The following MTM1 variants were observed in gnomAD, a reference collection of about 807,000 sequenced individuals.
MTM1 encodes the protein myotubularin 1.
Under a neutral mutation model 52.1 loss-of-function variants are expected in MTM1, and 9 were observed. The observed-to-expected ratio is 0.17, with a 90% CI of 0.10 to 0.30. The LOEUF (loss-of-function observed/expected upper bound fraction) is 0.30, where lower values mean the gene tolerates loss of function less well. MTM1 is among the 10% of genes least tolerant of loss of function. MTM1 has a pLI of 1.00. For synonymous variants in MTM1, 136 were observed against 163.8 expected (o/e 0.83, Z 1.29); for missense variants, 277 against 470.7 (o/e 0.59, Z 3.81).
chrX:150,650,764 T>C (rs2040006315), intron 10 of MTM1, among the ~76,000 whole-genome samples: 1 of 111,744 alleles, frequency 8.9e-6, no homozygotes, highest in African/African-American at 3.3e-5. Context: ...CCCTCTCGTA[T>C]CTATTCTATA....
chrX:150,633,102 T>C (rs1349021083), intron 6 of MTM1, among the ~76,000 whole-genome samples: 1 of 112,060 alleles, frequency 8.9e-6, no homozygotes, highest in Non-Finnish European at 1.9e-5. Context: ...ATGATTATGA[T>C]AGTGGACAAG....
At chrX:150,664,141 ACT>A (rs1283689630) in intron 14 of MTM1, among the ~76,000 whole-genome samples, 1 of 112,157 alleles carries the variant, frequency 8.9e-6, no homozygotes, top group African/African-American at 3.2e-5. Flanking sequence ...GAAGTGAAAG[ACT>A]CTACATTTTG....
At chrX:150,605,980 A>G (rs2039149743) in intron 4 of MTM1, among the ~76,000 whole-genome samples, 1 of 109,813 alleles carries the variant, frequency 9.1e-6, no homozygotes, top group Admixed American at 9.7e-5. Context: ...ACAGCCAAAA[A>G]GGATTCCTGT....
At chrX:150,569,533 T>A (rs782754743) in intron 1 of MTM1, among the ~76,000 whole-genome samples, 11 of 112,008 alleles carry the variant, frequency 9.8e-5, no homozygotes, top group African/African-American at 3.6e-4. Flanking sequence ...TCCTGAAGTT[T>A]ACATTGTTCA....
chrX:150,614,121 C>G (rs2039339996), intron 4 of MTM1, among the ~76,000 whole-genome samples: 1 of 112,225 alleles, frequency 8.9e-6, no homozygotes, highest in East Asian at 2.8e-4. Flanking sequence ...AGAGGTGATG[C>G]TTGCTGAGCC....
At chrX:150,633,316 TA>T (rs781913066) in intron 6 of MTM1, among the ~76,000 whole-genome samples, 8 of 112,139 alleles carry the variant, frequency 7.1e-5, no homozygotes, top group African/African-American at 2.6e-4. Context: ...AACAGAAGTA[TA>T]ATTGGTAATC....
At position 150,619,640 on chromosome X, in the gene MTM1, C is replaced by T. The variant is rs782463461; in HGVS notation, c.444+501C>T. 3.6e-5 allele frequency among the ~76,000 whole-genome samples: 4 copies of T among 111,715 alleles called. No homozygotes were observed. In the East Asian group the frequency reaches 8.4e-4, roughly 24 times the overall value. ...CTCTTCACCAAACTACTGGAGTAAC[C>T]TTACTCTTACTGCATGACTGAAATA... On this transcript the variant is annotated intron_variant, in intron 6 of 14. Coordinates refer to ENST00000370396, the MANE Select transcript of MTM1 (RefSeq NM_000252.3).
At chrX:150,639,143 ATGGTGG>A (rs1466371886) in intron 7 of MTM1, 117 bp downstream of exon 7, 5 of 616,962 alleles carry the variant, frequency 8.1e-6, no homozygotes, top group Non-Finnish European at 1.4e-5. Context: ...TATCTTTTCA[ATGGTGG>A]TGATATTATC....
chrX:150,655,312 G>A (rs1243308871), intron 10 of MTM1, among the ~76,000 whole-genome samples: 6 of 100,839 alleles, frequency 6.0e-5, no homozygotes, highest in East Asian at 3.1e-4. Flanking sequence ...GCGAAAGAGC[G>A]AGACTCTGTC....
upstream of MTM1, among the ~76,000 whole-genome samples, chrX:150,565,993 TACACACACACAC>T (rs782745793): frequency 4.6e-4 from 41 of 88,441 alleles, no homozygotes; most frequent in African/African-American, 1.3e-3. Context: ...TGAAGATTCC[TACACACACACAC>T]ACACACACAC....
chrX:150,636,463 G>C (rs1485112135), intron 6 of MTM1, among the ~76,000 whole-genome samples: 7 of 112,027 alleles, frequency 6.2e-5, no homozygotes, highest in African/African-American at 2.3e-4. Flanking sequence ...GGTTGAAAAT[G>C]CTGCTTGAAA....
At chrX:150,598,724 G>A in intron 4 of MTM1, 38 bp downstream of exon 4, 1 of 906,431 alleles carries the variant, frequency 1.1e-6, no homozygotes, top group Non-Finnish European at 1.6e-6. Context: ...GACCCTAACT[G>A]TTAAAGATAA....
chrX:150,630,157 A>G (rs1557413522), intron 6 of MTM1, among the ~76,000 whole-genome samples: 2 of 111,992 alleles, frequency 1.8e-5, no homozygotes, highest in Non-Finnish European at 3.8e-5. Flanking sequence ...CAGTGGCACA[A>G]TCTCAGCTCA....
chrX:150,635,489 C>G lies in MTM1; in HGVS notation c.445-3454C>G, dbSNP rs188097066. Among the ~76,000 whole-genome samples, 23 of 112,227 alleles carry G rather than the reference C, an allele frequency of 2.0e-4. No homozygotes were observed. In the East Asian group the frequency reaches 5.3e-3, roughly 26 times the overall value. Reference sequence around the variant, plus strand: ...GAAAGTAAATGACAGCTAAAAACCTCAAGACGTATAACCTATTCACTTCAG... The same window carrying G: ...GAAAGTAAATGACAGCTAAAAACCTGAAGACGTATAACCTATTCACTTCAG... On this transcript the variant is annotated intron_variant, in intron 6 of 14. Transcript: ENST00000370396.
intron 2 of MTM1, among the ~76,000 whole-genome samples, 169 bp downstream of exon 2, chrX:150,592,846 C>CTT (rs1184716210): frequency 1.0e-4 from 10 of 99,635 alleles, no homozygotes; most frequent in South Asian, 8.8e-4. Flanking sequence ...TCTAGAAAAG[C>CTT]TTTTTTTTTT....
chrX:150,587,173 A>G (rs1393379958), intron 1 of MTM1, among the ~76,000 whole-genome samples: 1 of 110,939 alleles, frequency 9.0e-6, no homozygotes, highest in African/African-American at 3.3e-5. Context: ...AGGTGGGCGC[A>G]TAGTGGCATT....
At chrX:150,622,613 G>T (rs1323553140) in intron 6 of MTM1, among the ~76,000 whole-genome samples, 1 of 111,813 alleles carries the variant, frequency 8.9e-6, no homozygotes, top group Non-Finnish European at 1.9e-5. Context: ...ATCCACGGGG[G>T]ACTCACAGGA....
chrX:150,669,147 G>A (rs2040355082), intron 14 of MTM1, among the ~76,000 whole-genome samples: 1 of 111,361 alleles, frequency 9.0e-6, no homozygotes, highest in Admixed American at 9.5e-5. Flanking sequence ...TTCTGTTGCT[G>A]TGTTAGTTTG....
chrX:150,593,077 C>A (rs2038914702), intron 2 of MTM1, among the ~76,000 whole-genome samples: 1 of 112,496 alleles, frequency 8.9e-6, no homozygotes, highest in East Asian at 2.8e-4. Flanking sequence ...CTCCTGACCT[C>A]AGGTGATCCA....
Sources: gnomAD v4.1 joint callset for allele counts (sites outside exome capture counted in the v4.1 genomes callset) on GRCh38, gnomAD v4.1.1 for gene constraint, MANE v1.5 for transcripts, NCBI Gene and HGNC (gene_info 2026-07-23, HGNC 2026-07-21) for gene names.